The following FOXJ3 variants were observed in gnomAD, a reference collection of about 807,000 sequenced individuals.
FOXJ3 encodes forkhead box J3.
FOXJ3 carries 22 observed loss-of-function variants against 76.1 expected under a neutral mutation model. That is an observed-to-expected ratio of 0.29 (90% CI 0.21 to 0.41). The LOEUF (loss-of-function observed/expected upper bound fraction) is 0.41, where lower values mean the gene tolerates loss of function less well. Ranked by LOEUF, FOXJ3 falls within the 10% of genes least tolerant of loss-of-function variation. FOXJ3 has a pLI of 1.00. For missense variants in FOXJ3, 613 were observed against 762.1 expected (o/e 0.80, Z 2.30); for synonymous variants, 269 against 261.2 (o/e 1.03, Z -0.29).
chr1:42,196,035 C>T (rs185259863), intron 7 of FOXJ3, among the ~76,000 whole-genome samples: 5 of 152,362 alleles, frequency 3.3e-5, no homozygotes, highest in Admixed American at 3.3e-4. Context: ...GAAACAGTTT[C>T]TCATCTACCT....
chr1:42,231,187 A>T (rs984179609), intron 4 of FOXJ3, among the ~76,000 whole-genome samples: 2 of 151,956 alleles, frequency 1.3e-5, no homozygotes, highest in Non-Finnish European at 2.9e-5. Context: ...TTAGCAGGGC[A>T]TGATGGCAGG....
chr1:42,234,879 G>A (rs956175114), intron 4 of FOXJ3, among the ~76,000 whole-genome samples: 5 of 152,272 alleles, frequency 3.3e-5, no homozygotes, highest in East Asian at 1.9e-4. Flanking sequence ...CTGTCTGTCC[G>A]TTCTCAGATC....
chr1:42,280,197 A>T, intron 2 of FOXJ3: 1 of 386,422 alleles, frequency 2.6e-6, no homozygotes, highest in Non-Finnish European at 3.5e-6. Flanking sequence ...TTAGTCTAGG[A>T]GTATCTTGGG....
At chr1:42,185,056 G>A (rs1355565143) in intron 11 of FOXJ3, among the ~76,000 whole-genome samples, 1 of 151,982 alleles carries the variant, frequency 6.6e-6, no homozygotes, top group Admixed American at 6.5e-5. Context: ...GAAAGATGGA[G>A]GGTTTTGAGC....
intron 1 of FOXJ3, among the ~76,000 whole-genome samples, chr1:42,327,448 T>C (rs1655905419): frequency 6.6e-6 from 1 of 152,198 alleles, no homozygotes; most frequent in South Asian, 2.1e-4. Context: ...ACAGAAACTT[T>C]TTAAAGTTAA....
intron 4 of FOXJ3, among the ~76,000 whole-genome samples, chr1:42,245,570 CATA>C (rs371106811): frequency 1.6e-4 from 24 of 152,226 alleles, no homozygotes; most frequent in African/African-American, 5.8e-4. Context: ...AGACAAAAAT[CATA>C]TGATCATTTC....
chr1:42,253,637 C>T (rs1285240558), intron 4 of FOXJ3, among the ~76,000 whole-genome samples: 1 of 152,164 alleles, frequency 6.6e-6, no homozygotes, highest in Non-Finnish European at 1.5e-5. Context: ...TGGGACAGAA[C>T]AGAGCCCTCA....
chr1:42,300,704 G>C (rs1654085557), intron 2 of FOXJ3, among the ~76,000 whole-genome samples: 2 of 152,166 alleles, frequency 1.3e-5, no homozygotes, highest in African/African-American at 4.8e-5. Context: ...CTGAGCCTAG[G>C]AGGTAAAGGC....
intron 6 of FOXJ3, among the ~76,000 whole-genome samples, chr1:42,200,771 C>T (rs1033401653): frequency 3.3e-5 from 5 of 152,180 alleles, no homozygotes; most frequent in Non-Finnish European, 7.4e-5. Flanking sequence ...GCATGAACCA[C>T]CGCACCTGGC....
intron 5 of FOXJ3, among the ~76,000 whole-genome samples, chr1:42,222,965 G>GT (rs774651914): frequency 6.6e-6 from 1 of 152,138 alleles, no homozygotes; most frequent in African/African-American, 2.4e-5. Context: ...GACAGTACTA[G>GT]TAAGAAATAA....
intron 4 of FOXJ3, among the ~76,000 whole-genome samples, chr1:42,235,719 C>A (rs1648571853): frequency 6.6e-6 from 1 of 152,122 alleles, no homozygotes. Flanking sequence ...CCCGCCACCA[C>A]ACCCGGATAA....
chr1:42,294,816 A>G (rs1653680297), intron 2 of FOXJ3, among the ~76,000 whole-genome samples: 1 of 151,176 alleles, frequency 6.6e-6, no homozygotes, highest in Non-Finnish European at 1.5e-5. Context: ...GCTATGTGTA[A>G]GAAAATCAAA....
intron 11 of FOXJ3, among the ~76,000 whole-genome samples, chr1:42,184,584 T>C (rs933426199): frequency 7.2e-5 from 11 of 152,070 alleles, no homozygotes; most frequent in African/African-American, 2.7e-4. Flanking sequence ...CTCGAGGCAC[T>C]ATGGATACAG....
rs1361417305 is a variant in FOXJ3 at position 42,199,245 on chromosome 1, G to T, written c.631-15C>A. The T allele has an allele frequency of 6.2e-7, 1 of 1,605,244 alleles. No homozygotes were observed. The highest frequency in any genetic ancestry group is 8.5e-7 in the Non-Finnish European group (1 of 1,173,310). On this transcript the variant is annotated splice_polypyrimidine_tract_variant and intron_variant, in intron 6 of 12. Coordinates refer to ENST00000361346, the MANE Select transcript of FOXJ3 (RefSeq NM_014947.5). ...TACAATGTTACCTAAAATGAAAAAA[G>T]AAAAATGACAATTGAATATAAGGGT...
At chr1:42,296,690 T>C (rs893758051) in intron 2 of FOXJ3, among the ~76,000 whole-genome samples, 2 of 152,270 alleles carry the variant, frequency 1.3e-5, no homozygotes, top group Non-Finnish European at 2.9e-5. Context: ...ACCACTATCA[T>C]GCTGCTTTAG....
chr1:42,259,652 AGCTTTCTAACCTTGGT>A (rs1336950572), intron 4 of FOXJ3, among the ~76,000 whole-genome samples: 44 of 152,334 alleles, frequency 2.9e-4, no homozygotes, highest in African/African-American at 1.0e-3. Context: ...TGAATACCTT[AGCTTTCTAACCTTGGT>A]TTGTCTAATG....
chr1:42,311,823 C>T (rs1317546670), intron 1 of FOXJ3, among the ~76,000 whole-genome samples: 1 of 152,158 alleles, frequency 6.6e-6, no homozygotes, highest in Non-Finnish European at 1.5e-5. Flanking sequence ...GGGGCTAATA[C>T]CACCCACATA....
rs2124075262 is a variant in FOXJ3, at chr1:42,178,635, A to C, written c.*1075T>G. ...CCCCATCTCTACTAAAATACAAAAA[A>C]TCAGCCAGGCATGGCGGTGTGCACC... On this transcript the variant is annotated 3_prime_UTR_variant, in exon 13 of 13. Transcript: ENST00000361346. The C allele has an allele frequency of 6.6e-6, 1 of 152,288 alleles. No individual in the cohort carries two copies. The highest frequency in any genetic ancestry group is 2.1e-4 in the South Asian group (1 of 4,828). The allele number at this position is 152,288 out of a possible 1,614,324, so 9.4% of individuals were successfully genotyped here.
chr1:42,305,355 A>G (rs919712365), intron 2 of FOXJ3, among the ~76,000 whole-genome samples: 2 of 152,184 alleles, frequency 1.3e-5, no homozygotes, highest in Non-Finnish European at 2.9e-5. Flanking sequence ...CTCAAAAAAA[A>G]CTAAAAGTAG....
Sources: allele counts gnomAD v4.1 joint callset (sites outside exome capture counted in the v4.1 genomes callset), GRCh38; gene constraint gnomAD v4.1.1; transcripts MANE v1.5; gene names NCBI Gene and HGNC (gene_info 2026-07-23, HGNC 2026-07-21).